Variants in FGF13 observed in about 807,000 individuals in gnomAD.
The protein encoded by FGF13 is fibroblast growth factor 13, also known as fibroblast growth factor homologous factor 2.
FGF13 carries 2 observed loss-of-function variants against 19.5 expected under a neutral mutation model. The ratio of observed to expected loss-of-function variants is 0.10; its 90% CI spans 0.04 to 0.32. FGF13 has a LOEUF of 0.32. FGF13 is among the 10% of genes least tolerant of loss of function. The pLI is 1.00. For synonymous variants in FGF13, 72 were observed against 76.9 expected (o/e 0.94, Z 0.33); for missense variants, 113 against 192.7 (o/e 0.59, Z 2.45).
rs1272885351 is a variant in FGF13, at chrX:138,628,696, T to C, written c.*4154A>G. The stretch of plus-strand genomic sequence containing the variant: ...AGAGATATTCATTTTCCCTCATATG[T>C]TCATTTGGACAATGGATGCTTGGTA... On this transcript the variant is annotated 3_prime_UTR_variant, in exon 5 of 5. Transcript: ENST00000315930. The C allele has an allele frequency of 8.9e-6, 1 of 112,394 alleles. No individual in the cohort carries two copies. The highest frequency in any genetic ancestry group is 1.9e-5 in the Non-Finnish European group (1 of 53,311). The allele number at this position is 112,394 out of a possible 1,213,427, so 9.3% of individuals were successfully genotyped here. A position where few individuals can be genotyped will look rare whatever the true frequency, so the allele number is the denominator to read the frequency against.
chrX:138,851,184 G>A (rs1465143011), intron 3 of FGF13, among the ~76,000 whole-genome samples: 1 of 112,010 alleles, frequency 8.9e-6, no homozygotes, highest in Non-Finnish European at 1.9e-5. Flanking sequence ...ACTGTGAATA[G>A]TGCTGCAGTG....
chrX:139,199,020 T>A (rs1371566490), intron 1 of FGF13, among the ~76,000 whole-genome samples: 1 of 112,643 alleles, frequency 8.9e-6, no homozygotes, highest in Non-Finnish European at 1.9e-5. Context: ...ATAACCTACA[T>A]TTCAAGTTGA....
chrX:138,763,939 GA>G (rs1313152604), intron 3 of FGF13, among the ~76,000 whole-genome samples: 1 of 111,385 alleles, frequency 9.0e-6, no homozygotes, highest in African/African-American at 3.3e-5. Context: ...AAAGAAGCAA[GA>G]GGTTGTCAAC....
chrX:139,157,805 A>T (rs1180891529), intron 1 of FGF13, among the ~76,000 whole-genome samples: 1 of 112,757 alleles, frequency 8.9e-6, no homozygotes, highest in Non-Finnish European at 1.9e-5. Flanking sequence ...AAGTTACAGG[A>T]TGTGGCTGTC....
chrX:139,005,079 T>C (rs1327117053), intron 1 of FGF13, among the ~76,000 whole-genome samples: 1 of 109,626 alleles, frequency 9.1e-6, no homozygotes, highest in Admixed American at 9.8e-5. Context: ...CAAACATAGA[T>C]GGAAGACAGG....
intron 1 of FGF13, among the ~76,000 whole-genome samples, chrX:138,999,527 A>G (rs944259473): frequency 1.8e-5 from 2 of 112,209 alleles, no homozygotes; most frequent in African/African-American, 3.2e-5. Flanking sequence ...CCACAGAAAT[A>G]CAAACTACCA....
chrX:139,160,564 G>A (rs1569459409), intron 1 of FGF13, among the ~76,000 whole-genome samples: 1 of 111,614 alleles, frequency 9.0e-6, no homozygotes, highest in East Asian at 2.8e-4. Context: ...CTGATTTTTG[G>A]AAAAGATTAA....
In FGF13 at chrX:138,783,820, T is replaced by C. The variant is rs781681546; in HGVS notation, c.217+73692A>G. Among the ~76,000 whole-genome samples, 530 of 110,225 alleles carry C rather than the reference T, an allele frequency of 4.8e-3. 3 individuals are homozygous for C. The highest frequency in any genetic ancestry group is 0.016 in the African/African-American group (487 of 30,375). ...CGCAGCCATCCCATTACTGGGTATA[T>C]ACCCAAAGGACTATAAATCATGCTG... On this transcript the variant is annotated intron_variant, in intron 3 of 6. Transcript: ENST00000436198.
chrX:138,938,038 G>A (rs1403892505), intron 1 of FGF13, among the ~76,000 whole-genome samples: 1 of 111,544 alleles, frequency 9.0e-6, no homozygotes, highest in African/African-American at 3.3e-5. Context: ...AGAAGGAGTG[G>A]CCATTGAGGA....
At chrX:138,867,461 C>A (rs761165272) in intron 1 of FGF13, among the ~76,000 whole-genome samples, 1 of 110,307 alleles carries the variant, frequency 9.1e-6, no homozygotes, top group Non-Finnish European at 1.9e-5. Flanking sequence ...ATACCCCAGA[C>A]TGGAAAGGAG....
intron 3 of FGF13, among the ~76,000 whole-genome samples, chrX:138,644,708 A>T (rs566853859): frequency 8.9e-6 from 1 of 111,890 alleles, no homozygotes; most frequent in Middle Eastern, 4.6e-3. Flanking sequence ...TTGAAAGGAG[A>T]CTTTCTTGAA....
intron 1 of FGF13, among the ~76,000 whole-genome samples, chrX:139,072,009 CAAAAAAAAAAA>C (rs547217409): frequency 1.2e-4 from 3 of 24,845 alleles, no homozygotes; most frequent in African/African-American, 5.0e-4. Flanking sequence ...GATTCCATCT[CAAAAAAAAAAA>C]AAAAAAAAAA....
In FGF13 at chrX:138,627,690, C is replaced by T. The variant is rs202240245; in HGVS notation, c.*5160G>A. The stretch of plus-strand genomic sequence containing the variant: ...AAAGAGAAATAGGCAGTGTTTGTAA[C>T]AAAAACTAATATAAAATGAGAAACT... On this transcript the variant is annotated 3_prime_UTR_variant, in exon 5 of 5. Coordinates refer to ENST00000315930, the MANE Select transcript of FGF13 (RefSeq NM_004114.5). 4.7e-5 allele frequency: 5 copies of T among 107,234 alleles called. No homozygotes were observed. In the East Asian group the frequency reaches 1.5e-3, roughly 32 times the overall value. 8.8% of individuals were successfully genotyped at this position (107,234 alleles called of 1,213,427 possible). A position where few individuals can be genotyped will look rare whatever the true frequency, so the allele number is the denominator to read the frequency against.
chrX:138,855,575 A>G (rs767191222), downstream of FGF13, among the ~76,000 whole-genome samples: 6 of 111,955 alleles, frequency 5.4e-5, no homozygotes, highest in Non-Finnish European at 1.1e-4. Flanking sequence ...TCATCACAGT[A>G]CACAAGTGAA....
chrX:138,812,881 T>C (rs1358405963), intron 3 of FGF13, among the ~76,000 whole-genome samples: 3 of 110,567 alleles, frequency 2.7e-5, no homozygotes, highest in Non-Finnish European at 5.7e-5. Flanking sequence ...CTGGCGTGTA[T>C]TGTTCCCCTA....
chrX:138,948,949 G>A (rs1253327124), intron 1 of FGF13, among the ~76,000 whole-genome samples: 2 of 111,777 alleles, frequency 1.8e-5, no homozygotes, highest in Non-Finnish European at 3.8e-5. Context: ...GAGAGGTAAG[G>A]AACAGTCATA....
At chrX:138,949,919 A>G (rs950315438) in intron 1 of FGF13, among the ~76,000 whole-genome samples, 7 of 111,865 alleles carry the variant, frequency 6.3e-5, no homozygotes, top group Non-Finnish European at 1.3e-4. Flanking sequence ...AGGCAAAAGG[A>G]ATACTCAGTT....
At chrX:138,824,153 A>G (rs957436405) in intron 3 of FGF13, among the ~76,000 whole-genome samples, 1 of 112,236 alleles carries the variant, frequency 8.9e-6, no homozygotes, top group African/African-American at 3.2e-5. Context: ...AACTTGGCAC[A>G]GGAAGAAAGA....
chrX:138,705,211 GAATT>G (rs1297078988), intron 2 of FGF13, among the ~76,000 whole-genome samples: 1 of 111,404 alleles, frequency 9.0e-6, no homozygotes, highest in African/African-American at 3.3e-5. Flanking sequence ...ATGAAATTCA[GAATT>G]ATTTATAGAA....
Sources: gnomAD v4.1 joint callset for allele counts (sites outside exome capture counted in the v4.1 genomes callset) on GRCh38, gnomAD v4.1.1 for gene constraint, MANE v1.5 for transcripts, NCBI Gene and HGNC (gene_info 2026-07-23, HGNC 2026-07-21) for gene names.